Variants in DYM observed in about 807,000 individuals in gnomAD.
DYM encodes dymeclin.
A neutral mutation model predicts 93.1 loss-of-function variants in DYM; 78 were observed. That is an observed-to-expected ratio of 0.84 (90% CI 0.70 to 1.01). The LOEUF is 1.01. Among genes scored for constraint, DYM ranks in the 50% least tolerant of loss-of-function variants. The pLI is 0.00. For missense variants in DYM, 789 were observed against 845.0 expected (o/e 0.93, Z 0.82); for synonymous variants, 321 against 319.7 (o/e 1.00, Z -0.04).
At chr18:49,375,470 G>GT (rs1403998949) in intron 5 of DYM, among the ~76,000 whole-genome samples, 1 of 151,922 alleles carries the variant, frequency 6.6e-6, no homozygotes, top group Non-Finnish European at 1.5e-5. Flanking sequence ...TAATGAGGTA[G>GT]TAATTCATAC....
intron 13 of DYM, among the ~76,000 whole-genome samples, chr18:49,252,482 C>A (rs1162285253): frequency 1.3e-5 from 2 of 152,018 alleles, no homozygotes; most frequent in Non-Finnish European, 2.9e-5. Context: ...GGGAAACTGC[C>A]CCCATGATTT....
chr18:49,201,240 AAC>A (rs1318235321), intron 14 of DYM, among the ~76,000 whole-genome samples: 4 of 152,212 alleles, frequency 2.6e-5, no homozygotes, highest in African/African-American at 4.8e-5. Flanking sequence ...CAGAAGTAAT[AAC>A]ACAGTTCCTA....
At chr18:49,328,907 A>T (rs1252920050) in intron 8 of DYM, among the ~76,000 whole-genome samples, 3 of 152,154 alleles carry the variant, frequency 2.0e-5, no homozygotes, top group Non-Finnish European at 2.9e-5. Flanking sequence ...TAGAAACAAC[A>T]TTTGACCCAG....
At chr18:49,258,839 C>CAGAGAGAGAG (rs61360021) in intron 11 of DYM, among the ~76,000 whole-genome samples, 60 of 113,752 alleles carry the variant, frequency 5.3e-4, no homozygotes, top group Non-Finnish European at 8.3e-4. Context: ...CACACACACA[C>CAGAGAGAGAG]AGAGAGAGAG....
intron 14 of DYM, among the ~76,000 whole-genome samples, chr18:49,170,074 A>C (rs1473592192): frequency 1.3e-5 from 2 of 152,180 alleles, no homozygotes; most frequent in African/African-American, 4.8e-5. Context: ...AGCGCTCAGG[A>C]AGAAAAAGAA....
At chr18:49,418,809 C>CT (rs1425015317) in intron 2 of DYM, among the ~76,000 whole-genome samples, 1 of 152,140 alleles carries the variant, frequency 6.6e-6, no homozygotes, top group Non-Finnish European at 1.5e-5. Context: ...ACCTCAAAGC[C>CT]TACTCAGTCC....
intron 15 of DYM, among the ~76,000 whole-genome samples, chr18:49,155,193 G>C (rs1467373884): frequency 2.0e-5 from 3 of 152,190 alleles, no homozygotes; most frequent in Admixed American, 1.3e-4. Context: ...AGTTTCTAAA[G>C]TCAAATCACT....
chr18:49,115,458 G>A (rs1004657457), intron 16 of DYM, among the ~76,000 whole-genome samples: 1 of 152,166 alleles, frequency 6.6e-6, no homozygotes, highest in African/African-American at 2.4e-5. Flanking sequence ...CATAGTTCAG[G>A]TGACTATCTT....
chr18:49,280,244 A>C (rs1326035322), intron 10 of DYM, among the ~76,000 whole-genome samples: 1 of 152,198 alleles, frequency 6.6e-6, no homozygotes, highest in East Asian at 1.9e-4. Flanking sequence ...CTATGAACAA[A>C]AATTTGAGAA....
Position 49,037,851 on chromosome 18 carries a change from G to T in DYM, c.*6204C>A, listed in dbSNP as rs971797911. Among the ~76,000 whole-genome samples, 1 of 152,094 alleles carries T rather than the reference G, an allele frequency of 6.6e-6. No individual in the cohort carries two copies. The highest frequency in any genetic ancestry group is 2.4e-5 in the African/African-American group (1 of 41,412). The stretch of plus-strand genomic sequence containing the variant: ...GTTGAGACTTTTTTTCTGAGACAGG[G>T]TCTTGCTCTGTCACCCAAGCTGGAG... On this transcript the variant is annotated 3_prime_UTR_variant, in exon 18 of 18. Coordinates refer to ENST00000675505, the MANE Select transcript of DYM (RefSeq NM_001353214.3).
intron 15 of DYM, among the ~76,000 whole-genome samples, chr18:49,154,150 T>C (rs1012818061): frequency 6.6e-6 from 1 of 152,074 alleles, no homozygotes; most frequent in Non-Finnish European, 1.5e-5. Context: ...CTAGTAGTCT[T>C]TAGAAGTGTT....
chr18:49,089,321 G>A (rs1021463332), intron 17 of DYM, among the ~76,000 whole-genome samples: 1 of 152,188 alleles, frequency 6.6e-6, no homozygotes, highest in Non-Finnish European at 1.5e-5. Context: ...AAAAGCATAT[G>A]CAACATTTAA....
chr18:49,063,917 C>T (rs151245204), intron 17 of DYM, among the ~76,000 whole-genome samples: 9 of 152,136 alleles, frequency 5.9e-5, no homozygotes, highest in African/African-American at 1.9e-4. Context: ...GTGTGAGCCA[C>T]GGTGCCTGGC....
In DYM at chr18:49,037,253, G is replaced by A. The variant is rs2070739800; in HGVS notation, c.*6802C>T. Reference sequence around the variant, plus strand: ...TTGATTCCCTTTATTGTATATTTGTGTTCTATATCAGTAATTTGGCTTATT... The same window carrying A: ...TTGATTCCCTTTATTGTATATTTGTATTCTATATCAGTAATTTGGCTTATT... On this transcript the variant is annotated 3_prime_UTR_variant, in exon 18 of 18. Coordinates refer to ENST00000675505, the MANE Select transcript of DYM (RefSeq NM_001353214.3). 6.6e-6 allele frequency among the ~76,000 whole-genome samples: 1 copy of A among 151,978 alleles called. No individual in the cohort carries two copies. The highest frequency in any genetic ancestry group is 2.1e-4 in the South Asian group (1 of 4,818).
chr18:49,188,113 CTGAGT>C (rs2090623478), intron 14 of DYM, among the ~76,000 whole-genome samples: 3 of 152,180 alleles, frequency 2.0e-5, no homozygotes, highest in Non-Finnish European at 2.9e-5. Flanking sequence ...TATCCCAGAG[CTGAGT>C]TAACTATAAA....
chr18:49,312,393 G>T (rs1004325817), intron 8 of DYM, among the ~76,000 whole-genome samples: 1 of 152,040 alleles, frequency 6.6e-6, no homozygotes, highest in African/African-American at 2.4e-5. Flanking sequence ...TTTCCTAATT[G>T]GTTTTCTACA....
At chr18:49,393,315 A>C (rs1176259557) in intron 2 of DYM, among the ~76,000 whole-genome samples, 2 of 152,158 alleles carry the variant, frequency 1.3e-5, no homozygotes, top group Non-Finnish European at 2.9e-5. Context: ...TAGATACCCA[A>C]AAGAAGTGAA....
At chr18:49,342,268 C>T (rs2064223532) in intron 6 of DYM, among the ~76,000 whole-genome samples, 1 of 152,182 alleles carries the variant, frequency 6.6e-6, no homozygotes, top group Admixed American at 6.5e-5. Context: ...CTTTGAGTGA[C>T]TCCTTATATC....
At chr18:49,100,885 G>A (rs976687897) in intron 16 of DYM, among the ~76,000 whole-genome samples, 4 of 152,126 alleles carry the variant, frequency 2.6e-5, no homozygotes, top group African/African-American at 9.7e-5. Flanking sequence ...TCATGTCTCC[G>A]GCAATTCCTA....
Sources: allele counts gnomAD v4.1 joint callset (sites outside exome capture counted in the v4.1 genomes callset), GRCh38; gene constraint gnomAD v4.1.1; transcripts MANE v1.5; gene names NCBI Gene and HGNC (gene_info 2026-07-23, HGNC 2026-07-21).